OPCML: variants seen among roughly 807,000 people sequenced by gnomAD.
The protein encoded by OPCML is opioid binding protein/cell adhesion molecule like.
OPCML carries 13 observed loss-of-function variants against 37.8 expected under a neutral mutation model. That is an observed-to-expected ratio of 0.34 (90% CI 0.22 to 0.55). The LOEUF (loss-of-function observed/expected upper bound fraction) is 0.55. Ranked by LOEUF, OPCML falls within the 20% of genes least tolerant of loss-of-function variation. The pLI, the probability that OPCML is intolerant of heterozygous loss-of-function variation, is 0.91. For synonymous variants in OPCML, 176 were observed against 168.8 expected (o/e 1.04, Z -0.33); for missense variants, 341 against 435.6 (o/e 0.78, Z 1.93).
At position 133,173,930 on chromosome 11, in the gene OPCML, C is replaced by T. The variant is rs1029316346; in HGVS notation, c.62-230920G>A. 3.9e-5 allele frequency among the ~76,000 whole-genome samples: 6 copies of T among 152,152 alleles called. No homozygotes were observed. Among genetic ancestry groups the T allele is most frequent in the Admixed American group, 1.3e-4 (2 of 15,280 alleles). Reference sequence around the variant, plus strand: ...CGGGGCCGGCCGGCACTGGAGCAGCCCTCTCCCTCCATCCATTCTACAAGG... The same window carrying T: ...CGGGGCCGGCCGGCACTGGAGCAGCTCTCTCCCTCCATCCATTCTACAAGG... On this transcript the variant is annotated intron_variant, in intron 1 of 7. Transcript: ENST00000524381. This position sits in a 1 kb window ranked among gnomAD's most constrained non-coding sequence, Gnocchi z 7.8.
intron 2 of OPCML, among the ~76,000 whole-genome samples, chr11:132,880,648 C>T (rs913193725): frequency 3.3e-5 from 5 of 152,150 alleles, no homozygotes; most frequent in African/African-American, 4.8e-5. Context: ...ATAAAGTGAA[C>T]GCCCAAAAGG....
intron 1 of OPCML, among the ~76,000 whole-genome samples, chr11:133,231,324 G>C (rs763878815): frequency 6.6e-6 from 1 of 152,048 alleles, no homozygotes; most frequent in South Asian, 2.1e-4. Flanking sequence ...AATGGCCCCT[G>C]TACCCCAAAA....
intron 1 of OPCML, among the ~76,000 whole-genome samples, chr11:133,233,587 T>A (rs1445432722): frequency 6.6e-6 from 1 of 152,174 alleles, no homozygotes. Flanking sequence ...TAGTTTTGAG[T>A]CAACCCCACT....
chr11:132,790,664 T>C (rs1213824317), intron 2 of OPCML, among the ~76,000 whole-genome samples: 3 of 152,170 alleles, frequency 2.0e-5, no homozygotes, highest in Non-Finnish European at 4.4e-5. Flanking sequence ...TGGAACAGAC[T>C]TGCAGGAACC....
At chr11:132,440,889 C>A (rs1298162214) in intron 4 of OPCML, among the ~76,000 whole-genome samples, 1 of 152,170 alleles carries the variant, frequency 6.6e-6, no homozygotes, top group Middle Eastern at 3.2e-3. Context: ...CTGCCCTCTC[C>A]AGTTCTGGTT....
At chr11:132,430,886 C>A (rs902757658) in intron 7 of OPCML, among the ~76,000 whole-genome samples, 1 of 152,146 alleles carries the variant, frequency 6.6e-6, no homozygotes, top group African/African-American at 2.4e-5. Flanking sequence ...CAGAATCTTC[C>A]TTCTCTGCAC....
chr11:132,504,880 C>T (rs1289715812), intron 4 of OPCML, among the ~76,000 whole-genome samples: 1 of 151,910 alleles, frequency 6.6e-6, no homozygotes, highest in South Asian at 2.1e-4. Flanking sequence ...CACTGAGGTC[C>T]CCCTGGAGTC....
chr11:132,571,249 T>C (rs532661671), intron 3 of OPCML, among the ~76,000 whole-genome samples: 2 of 152,266 alleles, frequency 1.3e-5, no homozygotes, highest in East Asian at 1.9e-4. Context: ...TGAAGGCTGC[T>C]CTGTCTGCTT....
At chr11:132,778,961 C>CTTTTTTTTTTTTTTTTTTT in intron 2 of OPCML, among the ~76,000 whole-genome samples, 1 of 87,944 alleles carries the variant, frequency 1.1e-5, no homozygotes, top group Non-Finnish European at 2.1e-5. Flanking sequence ...TGGTATATTT[C>CTTTTTTTTTTTTTTTTTTT]TTTTTTTTTT....
At chr11:133,047,337 C>T (rs190460662) in intron 1 of OPCML, among the ~76,000 whole-genome samples, 81 of 152,346 alleles carry the variant, frequency 5.3e-4, no homozygotes, top group African/African-American at 1.6e-3. Context: ...TGCAGCTATT[C>T]ATACTATGGC....
chr11:132,738,729 T>A (rs1361228037), intron 2 of OPCML, among the ~76,000 whole-genome samples: 1 of 152,214 alleles, frequency 6.6e-6, no homozygotes, highest in Non-Finnish European at 1.5e-5. Flanking sequence ...GACTCATCCT[T>A]TATTGAAAGT....
intron 1 of OPCML, among the ~76,000 whole-genome samples, chr11:132,988,091 C>T (rs946509988): frequency 4.6e-5 from 7 of 152,160 alleles, no homozygotes; most frequent in Non-Finnish European, 7.4e-5. Flanking sequence ...AGCGCATCCA[C>T]GCCTTTGAAA....
intron 2 of OPCML, among the ~76,000 whole-genome samples, chr11:132,816,268 T>C (rs1391272924): frequency 2.0e-5 from 3 of 152,154 alleles, no homozygotes; most frequent in Non-Finnish European, 4.4e-5. Context: ...GGCAAACTGT[T>C]TTTGTAAAGG....
chr11:132,889,493 C>T (rs905473521), intron 2 of OPCML, among the ~76,000 whole-genome samples: 12 of 152,330 alleles, frequency 7.9e-5, no homozygotes, highest in Admixed American at 5.2e-4. Context: ...TTACAAGCAT[C>T]TCTCATCTCA....
intron 1 of OPCML, among the ~76,000 whole-genome samples, chr11:133,164,176 G>A (rs954843755): frequency 2.0e-5 from 3 of 152,166 alleles, no homozygotes; most frequent in South Asian, 2.1e-4. Flanking sequence ...CAGTGCCCTC[G>A]AGTTCCCCTT....
chr11:133,137,034 GA>G (rs145726906), intron 1 of OPCML, among the ~76,000 whole-genome samples: 4,500 of 152,208 alleles, frequency 0.03, 81 homozygotes, highest in South Asian at 0.069. Context: ...TTTGCAGGAA[GA>G]AAAAGGCCAA....
At chr11:133,080,719 G>C (rs906138918) in intron 1 of OPCML, among the ~76,000 whole-genome samples, 1 of 152,162 alleles carries the variant, frequency 6.6e-6, no homozygotes, top group Non-Finnish European at 1.5e-5. Context: ...AAGCTGGAGA[G>C]AGAATCAGTA....
At chr11:132,482,754 G>C (rs1439875275) in intron 4 of OPCML, among the ~76,000 whole-genome samples, 1 of 152,092 alleles carries the variant, frequency 6.6e-6, no homozygotes, top group East Asian at 1.9e-4. Context: ...GGGATGCAAG[G>C]CTGGTTCAAT....
chr11:133,075,651 G>A (rs246), intron 1 of OPCML, among the ~76,000 whole-genome samples: 35,391 of 152,058 alleles, frequency 0.23, 4,573 homozygotes, highest in South Asian at 0.42. Context: ...CATCTACTCT[G>A]GGGAGAGATC....
Sources: allele counts gnomAD v4.1 joint callset (sites outside exome capture counted in the v4.1 genomes callset), GRCh38; gene constraint gnomAD v4.1.1; non-coding constraint Gnocchi (gnomAD v3.1); transcripts MANE v1.5; gene names NCBI Gene and HGNC (gene_info 2026-07-23, HGNC 2026-07-21).